Variants in HTR7 observed in about 807,000 individuals in gnomAD.
HTR7 encodes the protein 5-HT-7.
A neutral mutation model predicts 34.0 loss-of-function variants in HTR7; 16 were observed. The ratio of observed to expected loss-of-function variants is 0.47; its 90% CI spans 0.32 to 0.71. The LOEUF is 0.71. Ranked by LOEUF, HTR7 falls within the 30% of genes least tolerant of loss-of-function variation. HTR7 has a pLI of 0.04. For missense variants in HTR7, 504 were observed against 625.5 expected (o/e 0.81, Z 2.07); for synonymous variants, 265 against 260.2 (o/e 1.02, Z -0.18).
Position 90,740,875 on chromosome 10 carries a change from GATGTA to G in HTR7, c.*1602_*1606del, listed in dbSNP as rs1364072312. 4 of 152,584 alleles carry G rather than the reference GATGTA, an allele frequency of 2.6e-5. No homozygotes were observed. The highest frequency in any genetic ancestry group is 4.8e-5 in the African/African-American group (2 of 41,534). The allele number at this position is 152,584 out of a possible 1,614,324, so 9.5% of individuals were successfully genotyped here. ...TTTCAGCTACAAATAAACTTTATTTGATGTAATGTAATAAAACATTTTCAAGTTTA... is the reference window on the plus strand; with the variant it reads ...TTTCAGCTACAAATAAACTTTATTTGATGTAATAAAACATTTTCAAGTTTA... On this transcript the variant is annotated 3_prime_UTR_variant, in exon 4 of 4. Transcript: ENST00000336152.
intron 1 of HTR7, among the ~76,000 whole-genome samples, chr10:90,773,898 C>T (rs530610449): frequency 3.9e-5 from 6 of 152,116 alleles, no homozygotes; most frequent in Admixed American, 2.0e-4. Flanking sequence ...TTGTGAATAA[C>T]AACAGCAACA....
chr10:90,857,492 C>T lies in HTR7; in HGVS notation c.180G>A (p.Trp60Ter). 1 of 1,613,222 alleles carries T rather than the reference C, an allele frequency of 6.2e-7. No homozygotes were observed. The highest frequency in any genetic ancestry group is 8.5e-7 in the Non-Finnish European group (1 of 1,179,936). Residue 60 changes from tryptophan (W) to a stop codon, truncating the protein, a stop_gained, in exon 1 of 4, where the codon TGG becomes TGA. Coordinates refer to ENST00000336152, the MANE Select transcript of HTR7 (RefSeq NM_019859.4). LOFTEE classifies it high-confidence loss of function. The surrounding 1 kb of genome is among the most constrained non-coding windows in gnomAD (Gnocchi z 6.5). ...SEVTASPAPT[W>*]DAPPDNASGC... ...CGGAGGCATTGTCCGGGGGCGCGTC[C>T]CAGGTGGGCGCCGGGCTGGCTGTCA...
At chr10:90,790,583 A>G (rs962860535) in intron 1 of HTR7, among the ~76,000 whole-genome samples, 3 of 152,146 alleles carry the variant, frequency 2.0e-5, no homozygotes, top group Non-Finnish European at 4.4e-5. Flanking sequence ...GACTCTCTAA[A>G]CTGAACATTT....
intron 1 of HTR7, among the ~76,000 whole-genome samples, chr10:90,785,576 C>T (rs995572670): frequency 6.6e-6 from 1 of 152,180 alleles, no homozygotes; most frequent in African/African-American, 2.4e-5. Flanking sequence ...GGTGCACAGG[C>T]ACTAAATACA....
intron 1 of HTR7, among the ~76,000 whole-genome samples, chr10:90,791,024 A>G (rs530664633): frequency 3.9e-5 from 6 of 152,114 alleles, no homozygotes; most frequent in African/African-American, 1.4e-4. Flanking sequence ...TACAAATAAA[A>G]CACTCCCCTT....
intron 1 of HTR7, among the ~76,000 whole-genome samples, chr10:90,794,441 G>A (rs1845507714): frequency 6.6e-6 from 1 of 151,710 alleles, no homozygotes; most frequent in African/African-American, 2.4e-5. Context: ...CAACATAATT[G>A]TTTATCATTA....
chr10:90,836,302 G>T (rs1846251178), intron 1 of HTR7, among the ~76,000 whole-genome samples: 1 of 152,114 alleles, frequency 6.6e-6, no homozygotes, highest in African/African-American at 2.4e-5. Context: ...AAAACGGAGA[G>T]TCAGAAAGAA....
rs12774769 is a variant in HTR7, at chr10:90,843,140, C to A, written c.539+13993G>T. Among the ~76,000 whole-genome samples the A allele has an allele frequency of 5.1e-3, 773 of 151,066 alleles. 5 individuals are homozygous for A. Among genetic ancestry groups the A allele is most frequent in the Non-Finnish European group, 8.0e-3 (541 of 67,726 alleles). ...TTCCCTCCTTCCCTCCTTTTTTTTC[C>A]TTCCTTCCTACTTCCTTCCCTCCTT... On this transcript the variant is annotated intron_variant, in intron 1 of 3. Transcript: ENST00000336152.
At chr10:90,842,595 C>G (rs1846346308) in intron 1 of HTR7, among the ~76,000 whole-genome samples, 1 of 152,046 alleles carries the variant, frequency 6.6e-6, no homozygotes, top group South Asian at 2.1e-4. Context: ...CCCTTGGCAC[C>G]CAACAATGGG....
At chr10:90,822,189 G>C (rs113337406) in intron 1 of HTR7, among the ~76,000 whole-genome samples, 255 of 152,270 alleles carry the variant, frequency 1.7e-3, no homozygotes, top group African/African-American at 5.7e-3. Flanking sequence ...AGGAAAGTTT[G>C]GAACTTCCTA....
intron 1 of HTR7, among the ~76,000 whole-genome samples, chr10:90,802,388 C>T (rs1415169723): frequency 6.6e-6 from 1 of 152,210 alleles, no homozygotes; most frequent in East Asian, 1.9e-4. Flanking sequence ...CAGTCTTTCG[C>T]TGGCTTAAGT....
Position 90,749,841 on chromosome 10 carries a change from T to G in HTR7, c.540-247A>C, listed in dbSNP as rs1844707188. Among the ~76,000 whole-genome samples, 1 of 152,208 alleles carries G rather than the reference T, an allele frequency of 6.6e-6. No individual in the cohort carries two copies. Among genetic ancestry groups the G allele is most frequent in the Non-Finnish European group, 1.5e-5 (1 of 68,040 alleles). On this transcript the variant is annotated intron_variant, in intron 1 of 3. Transcript: ENST00000336152. This position sits in a 1 kb window ranked among gnomAD's most constrained non-coding sequence, Gnocchi z 4.2. ...GACTCTAAAGTCAGTCCATGCTTTG[T>G]GCATGCCTTATAGTTTTTCACAATC...
intron 1 of HTR7, among the ~76,000 whole-genome samples, chr10:90,811,417 A>T (rs2119967585): frequency 6.6e-6 from 1 of 151,534 alleles, no homozygotes; most frequent in East Asian, 1.9e-4. Flanking sequence ...CATCTCTCTG[A>T]TCCACCTGAC....
In HTR7 at chr10:90,857,742, C is replaced by T. The variant is rs1218046203; in HGVS notation, c.-71G>A. On this transcript the variant is annotated 5_prime_UTR_variant, in exon 1 of 4. Transcript: ENST00000336152. The surrounding 1 kb of genome is among the most constrained non-coding windows in gnomAD (Gnocchi z 6.5). The stretch of plus-strand genomic sequence containing the variant: ...GCGCCTCCGGCTGCCGGCCCCGGGG[C>T]TTCACCTCACCGGTTCCGCTCCGCC... 5.1e-6 allele frequency: 7 copies of T among 1,372,372 alleles called. No homozygotes were observed. Among genetic ancestry groups the T allele is most frequent in the Non-Finnish European group, 5.6e-6 (6 of 1,064,828 alleles). The allele number at this position is 1,372,372 out of a possible 1,614,324, so 85.0% of individuals were successfully genotyped here.
chr10:90,855,723 T>G (rs972222111), intron 1 of HTR7, among the ~76,000 whole-genome samples: 6 of 152,224 alleles, frequency 3.9e-5, no homozygotes, highest in Non-Finnish European at 8.8e-5. Context: ...GCTGCCAAAT[T>G]TGGTGCTAAT....
intron 1 of HTR7, among the ~76,000 whole-genome samples, chr10:90,788,788 C>A (rs1845420777): frequency 6.6e-6 from 1 of 152,004 alleles, no homozygotes; most frequent in Non-Finnish European, 1.5e-5. Flanking sequence ...TCCCCTTTGA[C>A]AAAAAGCAAA....
chr10:90,773,954 A>C (rs75442958), intron 1 of HTR7, among the ~76,000 whole-genome samples: 2,250 of 152,278 alleles, frequency 0.015, 64 homozygotes, highest in African/African-American at 0.051. Flanking sequence ...AATTGAAAAT[A>C]AGGCTATTTT....
intron 1 of HTR7, among the ~76,000 whole-genome samples, chr10:90,798,882 C>G (rs771476418): frequency 3.9e-5 from 6 of 152,136 alleles, no homozygotes; most frequent in Non-Finnish European, 8.8e-5. Context: ...AGCCCTTTCC[C>G]AAAACAAACC....
chr10:90,749,479 A>T lies in HTR7; in HGVS notation c.655T>A (p.Phe219Ile). Reference sequence around the variant, plus strand: ...TCATTTACATTCTGAGCCCATCCAAAGAGTGGAGGTAAGGTGATGGAGGCG... The same window carrying T: ...TCATTTACATTCTGAGCCCATCCAATGAGTGGAGGTAAGGTGATGGAGGCG... ...LSASITLPPL[F>I]GWAQNVNDDK... Residue 219 changes from phenylalanine to isoleucine, a missense_variant, in exon 2 of 4, where the codon TTT becomes ATT. Phe to Ile is a conservative substitution (Grantham distance 21). Coordinates refer to ENST00000336152, the MANE Select transcript of HTR7 (RefSeq NM_019859.4). The surrounding 1 kb of genome is among the most constrained non-coding windows in gnomAD (Gnocchi z 4.2). 6.2e-7 allele frequency: 1 copy of T among 1,614,192 alleles called. No homozygotes were observed. The highest frequency in any genetic ancestry group is 1.1e-5 in the South Asian group (1 of 91,074).
Sources: gnomAD v4.1 joint callset for allele counts (sites outside exome capture counted in the v4.1 genomes callset) on GRCh38, gnomAD v4.1.1 for gene constraint, Gnocchi (gnomAD v3.1) non-coding constraint, MANE v1.5 for transcripts, NCBI Gene and HGNC (gene_info 2026-07-23, HGNC 2026-07-21) for gene names.